The following PYDC2 variants were observed in gnomAD, a reference collection of about 807,000 sequenced individuals.
The protein encoded by PYDC2 is pyrin domain containing 2, also known as pyrin domain-containing protein 2.
For missense variants in PYDC2, 123 were observed against 112.2 expected (o/e 1.10, Z -0.43); for synonymous variants, 51 against 44.6 (o/e 1.14, Z -0.57).
chr3:191,461,196 C>T, the PYDC2 span: 11 of 1,614,028 alleles, frequency 6.8e-6, no homozygotes, highest in East Asian at 1.8e-4. Flanking sequence ...CTTCAACCTG[C>T]AGGCTCTTCT....
Position 191,461,290 on chromosome 3 carries a change from C to G in PYDC2, c.128C>G (p.Pro43Arg). ...CTGGGAAAGGAGCTACAGACCGTCC[C>G]CCAGACAGAGGTAGACAAGGCTAAT... ...ISLGKELQTV[P>R]QTEVDKANGK... Residue 43 changes from proline to arginine, a missense_variant, in exon 1 of 1, where the codon CCC (proline) becomes CGC (arginine). Coordinates refer to ENST00000518817, the MANE Select transcript of PYDC2 (RefSeq NM_001083308.1). 1 of 1,614,116 alleles carries G rather than the reference C, an allele frequency of 6.2e-7. No homozygotes were observed. The highest frequency in any genetic ancestry group is 8.5e-7 in the Non-Finnish European group (1 of 1,180,006).
In PYDC2 at chr3:191,461,192, C is replaced by A. The variant is rs1715169235; in HGVS notation, c.30C>A (p.Asn10Lys). The change falls in exon 1 of 1, where the codon AAC (asparagine) becomes AAA (lysine). Residue 10 changes from asparagine to lysine, a missense_variant. Coordinates refer to ENST00000518817, the MANE Select transcript of PYDC2 (RefSeq NM_001083308.1). MASSAELDF[N>K]LQALLEQLSQ... is the part of the protein sequence containing the mutation. The stretch of plus-strand genomic sequence containing the variant: ...CATCTTCTGCAGAGCTGGACTTCAA[C>A]CTGCAGGCTCTTCTGGAGCAGCTCA... 1 of 1,614,112 alleles carries A rather than the reference C, an allele frequency of 6.2e-7. No individual in the cohort carries two copies. The highest frequency in any genetic ancestry group is 1.3e-5 in the African/African-American group (1 of 75,034).
In PYDC2 at chr3:191,461,384, G is replaced by C; in HGVS notation, c.222G>C (p.Gln74His). ...CSYWAGMAAIQVFEKMNQTHL... is the reference protein window; with the variant it reads ...CSYWAGMAAIHVFEKMNQTHL... ...ACTGGGCAGGGATGGCAGCCATCCAGGTCTTTGAAAAGATGAATCAAACGC... is the reference window on the plus strand; with the variant it reads ...ACTGGGCAGGGATGGCAGCCATCCACGTCTTTGAAAAGATGAATCAAACGC... Residue 74 changes from glutamine to histidine, a missense_variant, in exon 1 of 1, where the codon CAG becomes CAC. Coordinates refer to ENST00000518817, the MANE Select transcript of PYDC2 (RefSeq NM_001083308.1). 1 of 1,614,150 alleles carries C rather than the reference G, an allele frequency of 6.2e-7. No homozygotes were observed. The highest frequency in any genetic ancestry group is 8.5e-7 in the Non-Finnish European group (1 of 1,180,004).
At position 191,461,317 on chromosome 3, in the gene PYDC2, G is replaced by A; in HGVS notation, c.155G>A (p.Gly52Glu). Residue 52 changes from glycine to glutamate, a missense_variant, in exon 1 of 1, where the codon GGG (glycine) becomes GAG (glutamate). Physicochemically the swap from Gly to Glu is moderately conservative, Grantham distance 98. Coordinates refer to ENST00000518817, the MANE Select transcript of PYDC2 (RefSeq NM_001083308.1). ...CAGACAGAGGTAGACAAGGCTAATGGGAAGCAACTGGTAGAAATCTTCACC... is the reference window on the plus strand; with the variant it reads ...CAGACAGAGGTAGACAAGGCTAATGAGAAGCAACTGGTAGAAATCTTCACC... ...VPQTEVDKANGKQLVEIFTSH... is the reference protein window; with the variant it reads ...VPQTEVDKANEKQLVEIFTSH... 6.2e-7 allele frequency: 1 copy of A among 1,613,862 alleles called. No homozygotes were observed. The highest frequency in any genetic ancestry group is 8.5e-7 in the Non-Finnish European group (1 of 1,179,916).
rs1272595562 is a variant in PYDC2, at chr3:191,461,434, A to C, written c.272A>C (p.His91Pro). The C allele has an allele frequency of 6.2e-7, 1 of 1,613,686 alleles. No individual in the cohort carries two copies. The stretch of plus-strand genomic sequence containing the variant: ...CATCTGTCTGGGAGAGCTGATGAAC[A>C]CTGTGTGATGCCCCCACCTTAACCC... ...QTHLSGRADE[H>P]CVMPPP Residue 91 changes from histidine to proline, a missense_variant, in exon 1 of 1, where the codon CAC (histidine) becomes CCC (proline). Coordinates refer to ENST00000518817, the MANE Select transcript of PYDC2 (RefSeq NM_001083308.1).
In PYDC2 at chr3:191,461,293, A is replaced by G. The variant is rs773644629; in HGVS notation, c.131A>G (p.Gln44Arg). ...SLGKELQTVP[Q>R]TEVDKANGKQ... ...GGAAAGGAGCTACAGACCGTCCCCCAGACAGAGGTAGACAAGGCTAATGGG... is the reference window on the plus strand; with the variant it reads ...GGAAAGGAGCTACAGACCGTCCCCCGGACAGAGGTAGACAAGGCTAATGGG... The change falls in exon 1 of 1, where the codon CAG becomes CGG. Residue 44 changes from glutamine to arginine, a missense_variant. Physicochemically the swap from Gln to Arg is conservative, Grantham distance 43. Coordinates refer to ENST00000518817, the MANE Select transcript of PYDC2 (RefSeq NM_001083308.1). 1 of 1,614,180 alleles carries G rather than the reference A, an allele frequency of 6.2e-7. No homozygotes were observed. The highest frequency in any genetic ancestry group is 1.7e-5 in the Admixed American group (1 of 60,030).
rs1715168382 is a variant in PYDC2 at position 191,461,170 on chromosome 3, C to A, written c.8C>A (p.Ser3Tyr). The A allele has an allele frequency of 1.9e-6, 3 of 1,613,726 alleles. No individual in the cohort carries two copies. Among genetic ancestry groups the A allele is most frequent in the Non-Finnish European group, 2.5e-6 (3 of 1,179,814 alleles). The change falls in exon 1 of 1, where the codon TCT becomes TAT. Residue 3 changes from serine to tyrosine, a missense_variant. Coordinates refer to ENST00000518817, the MANE Select transcript of PYDC2 (RefSeq NM_001083308.1). ...GCTCCCACATAGGACAAGATGGCAT[C>A]TTCTGCAGAGCTGGACTTCAACCTG... MA[S>Y]SAELDFNLQA...
At position 191,461,356 on chromosome 3, in the gene PYDC2, G is replaced by C. The variant is rs1323731457; in HGVS notation, c.194G>C (p.Ser65Thr). The change falls in exon 1 of 1, where the codon AGC becomes ACC. Residue 65 changes from serine to threonine, a missense_variant. Physicochemically the swap from Ser to Thr is moderately conservative, Grantham distance 58. Coordinates refer to ENST00000518817, the MANE Select transcript of PYDC2 (RefSeq NM_001083308.1). ...GAAATCTTCACCAGCCACTCCTGCA[G>C]CTACTGGGCAGGGATGGCAGCCATC... ...LVEIFTSHSCSYWAGMAAIQV... is the reference protein window; with the variant it reads ...LVEIFTSHSCTYWAGMAAIQV... 1 of 1,614,042 alleles carries C rather than the reference G, an allele frequency of 6.2e-7. No individual in the cohort carries two copies. The highest frequency in any genetic ancestry group is 8.5e-7 in the Non-Finnish European group (1 of 1,180,018).
chr3:191,461,381 C>T lies in PYDC2; in HGVS notation c.219C>T (p.Ile73=), dbSNP rs2108713844. 6.2e-7 allele frequency: 1 copy of T among 1,614,146 alleles called. No individual in the cohort carries two copies. The highest frequency in any genetic ancestry group is 2.2e-5 in the East Asian group (1 of 44,888). Residue 73 remains isoleucine, a synonymous_variant, in exon 1 of 1, where the codon ATC becomes ATT. Coordinates refer to ENST00000518817, the MANE Select transcript of PYDC2 (RefSeq NM_001083308.1). ...GCTACTGGGCAGGGATGGCAGCCATCCAGGTCTTTGAAAAGATGAATCAAA... is the reference window on the plus strand; with the variant it reads ...GCTACTGGGCAGGGATGGCAGCCATTCAGGTCTTTGAAAAGATGAATCAAA... ...SCSYWAGMAA[I]QVFEKMNQTH...
In PYDC2 at chr3:191,461,431, A is replaced by T. The variant is rs1379792613; in HGVS notation, c.269A>T (p.Glu90Val). 4 of 1,613,714 alleles carry T rather than the reference A, an allele frequency of 2.5e-6. No individual in the cohort carries two copies. The highest frequency in any genetic ancestry group is 1.3e-5 in the African/African-American group (1 of 74,928). ...NQTHLSGRAD[E>V]HCVMPPP ...ACGCATCTGTCTGGGAGAGCTGATG[A>T]ACACTGTGTGATGCCCCCACCTTAA... is the stretch of plus-strand genomic sequence containing the variant. The change falls in exon 1 of 1, where the codon GAA becomes GTA. Residue 90 changes from glutamate to valine, a missense_variant. Transcript: ENST00000518817.
At position 191,461,305 on chromosome 3, in the gene PYDC2, A is replaced by G. The variant is rs774831946; in HGVS notation, c.143A>G (p.Asp48Gly). Residue 48 changes from aspartate (D) to glycine (G), a missense_variant, in exon 1 of 1, where the codon GAC becomes GGC. Coordinates refer to ENST00000518817, the MANE Select transcript of PYDC2 (RefSeq NM_001083308.1). ...CAGACCGTCCCCCAGACAGAGGTAG[A>G]CAAGGCTAATGGGAAGCAACTGGTA... is the stretch of plus-strand genomic sequence containing the variant. ...ELQTVPQTEV[D>G]KANGKQLVEI... 5.0e-6 allele frequency: 8 copies of G among 1,613,810 alleles called. No individual in the cohort carries two copies. The highest frequency in any genetic ancestry group is 8.5e-7 in the Non-Finnish European group (1 of 1,179,944).
chr3:191,461,382 C>A lies in PYDC2; in HGVS notation c.220C>A (p.Gln74Lys). The change falls in exon 1 of 1, where the codon CAG becomes AAG. Residue 74 changes from glutamine to lysine, a missense_variant. By Grantham distance (53) the Gln-to-Lys change is moderately conservative (BLOSUM62 1). Transcript: ENST00000518817. The part of the protein sequence containing the change: ...CSYWAGMAAI[Q>K]VFEKMNQTHL... ...CTACTGGGCAGGGATGGCAGCCATC[C>A]AGGTCTTTGAAAAGATGAATCAAAC... 6.2e-7 allele frequency: 1 copy of A among 1,614,122 alleles called. No homozygotes were observed. Among genetic ancestry groups the A allele is most frequent in the South Asian group, 1.1e-5 (1 of 91,070 alleles).
chr3:191,461,326 T>G lies in PYDC2; in HGVS notation c.164T>G (p.Leu55Arg), dbSNP rs534585157. 6.1e-5 allele frequency: 98 copies of G among 1,613,842 alleles called. No homozygotes were observed. In the Admixed American group the frequency reaches 1.6e-3, roughly 26 times the overall value. Residue 55 changes from leucine to arginine, a missense_variant, in exon 1 of 1, where the codon CTG becomes CGG. Coordinates refer to ENST00000518817, the MANE Select transcript of PYDC2 (RefSeq NM_001083308.1). ...TEVDKANGKQ[L>R]VEIFTSHSCS... The stretch of plus-strand genomic sequence containing the variant: ...GTAGACAAGGCTAATGGGAAGCAAC[T>G]GGTAGAAATCTTCACCAGCCACTCC...
rs293833 is a variant in PYDC2, at chr3:191,461,404, A to G, written c.242A>G (p.Gln81Arg). 0.72 allele frequency: 1,168,231 copies of G among 1,613,756 alleles called. 427,170 individuals carry two copies. The highest frequency in any genetic ancestry group is 0.75 in the African/African-American group (56,572 of 74,952). The change falls in exon 1 of 1, where the codon CAA (glutamine) becomes CGA (arginine). Residue 81 changes from glutamine (Q) to arginine (R), a missense_variant. Gln to Arg is a conservative substitution (Grantham distance 43). Coordinates refer to ENST00000518817, the MANE Select transcript of PYDC2 (RefSeq NM_001083308.1). Reference sequence around the variant, plus strand: ...ATCCAGGTCTTTGAAAAGATGAATCAAACGCATCTGTCTGGGAGAGCTGAT... The same window carrying G: ...ATCCAGGTCTTTGAAAAGATGAATCGAACGCATCTGTCTGGGAGAGCTGAT... The part of the protein sequence containing the change: ...AAIQVFEKMN[Q>R]THLSGRADEH...
Position 191,461,300 on chromosome 3 carries a change from G to C in PYDC2, c.138G>C (p.Glu46Asp). 1 of 1,614,002 alleles carries C rather than the reference G, an allele frequency of 6.2e-7. No individual in the cohort carries two copies. The highest frequency in any genetic ancestry group is 1.6e-4 in the Middle Eastern group (1 of 6,062). ...AGCTACAGACCGTCCCCCAGACAGA[G>C]GTAGACAAGGCTAATGGGAAGCAAC... The part of the protein sequence containing the change: ...GKELQTVPQT[E>D]VDKANGKQLV... The change falls in exon 1 of 1, where the codon GAG becomes GAC. Residue 46 changes from glutamate (E) to aspartate (D), a missense_variant. Physicochemically the swap from Glu to Asp is conservative, Grantham distance 45. Transcript: ENST00000518817.
the PYDC2 span, chr3:191,461,215 TC>T: frequency 2.5e-6 from 4 of 1,614,152 alleles, no homozygotes; most frequent in Non-Finnish European, 3.4e-6. Context: ...CTGGAGCAGC[TC>T]AGCCAGGATG....
chr3:191,461,217 A>G lies in PYDC2; in HGVS notation c.55A>G (p.Ser19Gly), dbSNP rs1207672421. 1.2e-6 allele frequency: 2 copies of G among 1,614,224 alleles called. No individual in the cohort carries two copies. Among genetic ancestry groups the G allele is most frequent in the Non-Finnish European group, 1.7e-6 (2 of 1,180,030 alleles). ...CCTGCAGGCTCTTCTGGAGCAGCTC[A>G]GCCAGGATGAGTTGAGCAAGTTCAA... ...FNLQALLEQL[S>G]QDELSKFKSL... Residue 19 changes from serine to glycine, a missense_variant, in exon 1 of 1, where the codon AGC (serine) becomes GGC (glycine). Coordinates refer to ENST00000518817, the MANE Select transcript of PYDC2 (RefSeq NM_001083308.1).
At position 191,461,265 on chromosome 3, in the gene PYDC2, C is replaced by T; in HGVS notation, c.103C>T (p.Leu35=). 6.2e-7 allele frequency: 1 copy of T among 1,614,106 alleles called. No homozygotes were observed. The highest frequency in any genetic ancestry group is 8.5e-7 in the Non-Finnish European group (1 of 1,179,988). ...KFKSLIRTIS[L]GKELQTVPQT... ...CAAGTCTCTGATCAGAACAATCTCC[C>T]TGGGAAAGGAGCTACAGACCGTCCC... The change falls in exon 1 of 1, where the codon CTG becomes TTG. Residue 35 remains leucine (L), a synonymous_variant. Transcript: ENST00000518817.
rs1715175138 is a variant in PYDC2 at position 191,461,342 on chromosome 3, C to T, written c.180C>T (p.Thr60=). The T allele has an allele frequency of 1.9e-6, 3 of 1,614,184 alleles. No homozygotes were observed. Among genetic ancestry groups the T allele is most frequent in the Non-Finnish European group, 1.7e-6 (2 of 1,180,014 alleles). ...ANGKQLVEIF[T]SHSCSYWAGM... ...GGAAGCAACTGGTAGAAATCTTCACCAGCCACTCCTGCAGCTACTGGGCAG... is the reference window on the plus strand; with the variant it reads ...GGAAGCAACTGGTAGAAATCTTCACTAGCCACTCCTGCAGCTACTGGGCAG... Residue 60 remains threonine (T), a synonymous_variant, in exon 1 of 1, where the codon ACC becomes ACT. Transcript: ENST00000518817.
Sources: gnomAD v4.1 joint callset for allele counts on GRCh38, gnomAD v4.1.1 for gene constraint, MANE v1.5 for transcripts, NCBI Gene and HGNC (gene_info 2026-07-23, HGNC 2026-07-21) for gene names.